The following HNRNPC variants were observed in gnomAD, a reference collection of about 807,000 sequenced individuals.
The protein encoded by HNRNPC is heterogeneous nuclear ribonucleoproteins C1/C2.
HNRNPC carries 3 observed loss-of-function variants against 33.2 expected under a neutral mutation model. The observed-to-expected ratio is 0.09, with a 90% confidence interval of 0.04 to 0.23. HNRNPC has a LOEUF of 0.23. Ranked by LOEUF, HNRNPC falls within the 10% of genes least tolerant of loss-of-function variation. The pLI is 1.00. For synonymous variants in HNRNPC, 121 were observed against 126.7 expected (o/e 0.96, Z 0.30); for missense variants, 143 against 366.7 (o/e 0.39, Z 4.98).
chr14:21,249,341 G>A (rs1314512339), intron 2 of HNRNPC, among the ~76,000 whole-genome samples: 15 of 151,426 alleles, frequency 9.9e-5, no homozygotes, highest in Admixed American at 8.6e-4. Context: ...CTGGGAGGCC[G>A]AGGCAGGTGG....
At chr14:21,251,690 C>A (rs1412471488) in intron 2 of HNRNPC, among the ~76,000 whole-genome samples, 1 of 151,982 alleles carries the variant, frequency 6.6e-6, no homozygotes, top group African/African-American at 2.4e-5. Flanking sequence ...AAAAAAAAGA[C>A]ACACGTATTA....
intron 5 of HNRNPC, among the ~76,000 whole-genome samples, chr14:21,221,407 C>T (rs760328527): frequency 1.3e-5 from 2 of 152,202 alleles, no homozygotes; most frequent in Non-Finnish European, 2.9e-5. Flanking sequence ...GGCCACTGAA[C>T]TTAAATGTTC....
rs148590090 is a variant in HNRNPC at position 21,217,532 on chromosome 14, A to T, written c.366-4415T>A. Among the ~76,000 whole-genome samples, 461 of 152,334 alleles carry T rather than the reference A, an allele frequency of 3.0e-3. 4 individuals are homozygous for T. The highest frequency in any genetic ancestry group is 0.01 in the African/African-American group (435 of 41,584). ...ATTAAGGGGGAAAAAATGGAAATAGATTATTACCACATTGTTGGGTTAGCC... is the reference window on the plus strand; with the variant it reads ...ATTAAGGGGGAAAAAATGGAAATAGTTTATTACCACATTGTTGGGTTAGCC... On this transcript the variant is annotated intron_variant, in intron 5 of 8. Coordinates refer to ENST00000553300, the MANE Select transcript of HNRNPC (RefSeq NM_004500.4).
intron 2 of HNRNPC, among the ~76,000 whole-genome samples, chr14:21,251,702 G>A (rs926706666): frequency 3.3e-5 from 5 of 152,160 alleles, no homozygotes; most frequent in African/African-American, 1.2e-4. Flanking sequence ...CACGTATTAG[G>A]AAAAATAGTC....
rs1286092594 is a variant in HNRNPC at position 21,221,125 on chromosome 14, C to T, written c.366-8008G>A. Among the ~76,000 whole-genome samples the T allele has an allele frequency of 2.0e-5, 3 of 152,152 alleles. No homozygotes were observed. The South Asian group carries it at 6.2e-4, about 31-fold the overall frequency. On this transcript the variant is annotated intron_variant, in intron 5 of 8. Coordinates refer to ENST00000553300, the MANE Select transcript of HNRNPC (RefSeq NM_004500.4). ...ACATGCAAAAAACACAGCTATTGTG[C>T]CTGTGATGAACGTGAATTTGGAGGT...
chr14:21,234,182 G>A lies in HNRNPC; in HGVS notation c.12C>T (p.Asn4=), dbSNP rs375750672. 1.9e-5 allele frequency: 31 copies of A among 1,613,714 alleles called. No homozygotes were observed. The highest frequency in any genetic ancestry group is 4.5e-5 in the East Asian group (2 of 44,896). ...AGCGAGGATCTGTCTTGTTGGTAAC[G>A]TTGCTGGCCATCGTGTTTGATGGTA... The part of the protein sequence containing the change: MAS[N]VTNKTDPRSM... Residue 4 remains asparagine (N), a synonymous_variant, in exon 3 of 9, where the codon AAC becomes AAT. Coordinates refer to ENST00000553300, the MANE Select transcript of HNRNPC (RefSeq NM_004500.4).
intron 2 of HNRNPC, among the ~76,000 whole-genome samples, chr14:21,245,877 C>T (rs1443962041): frequency 6.6e-6 from 1 of 151,928 alleles, no homozygotes; most frequent in Non-Finnish European, 1.5e-5. Context: ...GAGGAGTCTC[C>T]CTCTGTCACT....
chr14:21,215,133 C>T (rs190081800), intron 5 of HNRNPC, among the ~76,000 whole-genome samples: 27 of 152,314 alleles, frequency 1.8e-4, no homozygotes, highest in Non-Finnish European at 2.9e-4. Context: ...GTCAAATTCT[C>T]TACTTTTCTG....
At chr14:21,256,450 C>A (rs1357249825) in intron 2 of HNRNPC, among the ~76,000 whole-genome samples, 5 of 151,568 alleles carry the variant, frequency 3.3e-5, no homozygotes, top group African/African-American at 1.2e-4. Flanking sequence ...ACTCCATCTC[C>A]CCCCCAAAAA....
At chr14:21,225,108 TG>T (rs1893268531) in intron 5 of HNRNPC, among the ~76,000 whole-genome samples, 1 of 152,074 alleles carries the variant, frequency 6.6e-6, no homozygotes, top group Non-Finnish European at 1.5e-5. Context: ...TATTTCGTGT[TG>T]CCCAAAGTTC....
chr14:21,226,288 A>G (rs918747976), intron 5 of HNRNPC, among the ~76,000 whole-genome samples: 21 of 148,676 alleles, frequency 1.4e-4, no homozygotes, highest in Non-Finnish European at 2.4e-4. Flanking sequence ...GCACCACTGC[A>G]CTCCAGCCCG....
chr14:21,219,501 A>T (rs12894184), intron 5 of HNRNPC, among the ~76,000 whole-genome samples: 24,258 of 152,198 alleles, frequency 0.16, 2,208 homozygotes, highest in Admixed American at 0.24. Flanking sequence ...TAATTCAAAA[A>T]GACGTTTTCT....
chr14:21,249,801 G>A (rs868084146), intron 2 of HNRNPC, among the ~76,000 whole-genome samples: 5 of 152,072 alleles, frequency 3.3e-5, no homozygotes, highest in Middle Eastern at 3.4e-3. Flanking sequence ...ATACTCTAAC[G>A]TAGAGCAACT....
At chr14:21,253,993 G>A (rs1015130994) in intron 2 of HNRNPC, among the ~76,000 whole-genome samples, 7 of 151,076 alleles carry the variant, frequency 4.6e-5, no homozygotes, top group Non-Finnish European at 7.4e-5. Context: ...GCATGAACCC[G>A]GGAGAGGGAG....
intron 2 of HNRNPC, among the ~76,000 whole-genome samples, chr14:21,251,619 T>C (rs200105303): frequency 1.3e-5 from 2 of 151,554 alleles, no homozygotes; most frequent in African/African-American, 4.9e-5. Flanking sequence ...GAAGTGGAGG[T>C]TGCAGTGAGC....
At chr14:21,226,092 T>C (rs1893387285) in intron 5 of HNRNPC, among the ~76,000 whole-genome samples, 2 of 151,762 alleles carry the variant, frequency 1.3e-5, no homozygotes, top group Admixed American at 6.6e-5. Context: ...CCAAGGTGGA[T>C]GGATCATGAA....
intron 5 of HNRNPC, among the ~76,000 whole-genome samples, chr14:21,226,091 A>G (rs1234039868): frequency 2.0e-5 from 3 of 151,864 alleles, no homozygotes; most frequent in African/African-American, 4.8e-5. Context: ...GCCAAGGTGG[A>G]TGGATCATGA....
At chr14:21,268,201 A>C (rs1344555180) in intron 1 of HNRNPC, among the ~76,000 whole-genome samples, 2 of 152,210 alleles carry the variant, frequency 1.3e-5, no homozygotes, top group Non-Finnish European at 2.9e-5. Flanking sequence ...GTTTTTTATC[A>C]AATTTCAGCA....
At chr14:21,244,725 A>G (rs1009464991) in intron 2 of HNRNPC, among the ~76,000 whole-genome samples, 1 of 152,184 alleles carries the variant, frequency 6.6e-6, no homozygotes, top group Admixed American at 6.5e-5. Context: ...CCCAATACCA[A>G]GCTAGATAGT....
Sources: allele counts gnomAD v4.1 joint callset (sites outside exome capture counted in the v4.1 genomes callset), GRCh38; gene constraint gnomAD v4.1.1; transcripts MANE v1.5; gene names NCBI Gene and HGNC (gene_info 2026-07-23, HGNC 2026-07-21).